Variants in LHFPL6 observed in about 807,000 individuals in gnomAD.
LHFPL6 encodes LHFPL tetraspan subfamily member 6.
Under a neutral mutation model 20.6 loss-of-function variants are expected in LHFPL6, and 9 were observed. The observed-to-expected ratio is 0.44, with a 90% confidence interval of 0.26 to 0.76. The LOEUF (loss-of-function observed/expected upper bound fraction) is 0.76, where lower values mean the gene tolerates loss of function less well. Among genes scored for constraint, LHFPL6 ranks in the 30% least tolerant of loss-of-function variants. The pLI is 0.20. For missense variants in LHFPL6, 218 were observed against 253.5 expected (o/e 0.86, Z 0.95); for synonymous variants, 105 against 98.7 (o/e 1.06, Z -0.38).
chr13:39,352,960 TAC>T lies in LHFPL6; in HGVS notation c.485-8908_485-8907del, dbSNP rs1306962467. ...ATGTGTGTATATATATATACATACA[TAC>T]ACACACACACATATATATATATATA... On this transcript the variant is annotated intron_variant, in intron 3 of 3. Transcript: ENST00000379589. Among the ~76,000 whole-genome samples, 19 of 86,814 alleles carry T rather than the reference TAC, an allele frequency of 2.2e-4. 2 individuals are homozygous for T. The highest frequency in any genetic ancestry group is 5.1e-4 in the South Asian group (1 of 1,948). The allele number at this position is 86,814 out of a possible 152,430, so 57.0% of individuals were successfully genotyped here.
chr13:39,529,961 T>C (rs180747522), intron 2 of LHFPL6, among the ~76,000 whole-genome samples: 8 of 152,288 alleles, frequency 5.3e-5, no homozygotes, highest in Non-Finnish European at 1.0e-4. Flanking sequence ...TATTCTGAAG[T>C]TCATCCAATG....
intron 2 of LHFPL6, among the ~76,000 whole-genome samples, chr13:39,589,389 G>T (rs1001748536): frequency 2.0e-5 from 3 of 152,140 alleles, no homozygotes; most frequent in Admixed American, 1.3e-4. Context: ...AATTACAGAT[G>T]TGAGTCACCG....
intron 2 of LHFPL6, among the ~76,000 whole-genome samples, chr13:39,551,137 T>A (rs11842921): frequency 0.017 from 2,633 of 152,234 alleles, 85 homozygotes; most frequent in African/African-American, 0.061. Flanking sequence ...TCTTAGTCCA[T>A]TTTCTGTTGC....
intron 2 of LHFPL6, among the ~76,000 whole-genome samples, chr13:39,522,736 T>G (rs1045207725): frequency 6.6e-6 from 1 of 152,216 alleles, no homozygotes; most frequent in Non-Finnish European, 1.5e-5. Context: ...ATTTGTTTGT[T>G]CCCTCCTCCC....
rs1366135735 is a variant in LHFPL6 at position 39,545,776 on chromosome 13, T to C, written c.385+55056A>G. On this transcript the variant is annotated intron_variant, in intron 2 of 3. Transcript: ENST00000379589. ...GTTATTATACTGTATTTTAAAAATT[T>C]GTAGTATTTTTAGGCTGGGCAAGGT... Among the ~76,000 whole-genome samples the C allele has an allele frequency of 3.3e-5, 5 of 152,000 alleles. 1 individual carries two copies. Among genetic ancestry groups the C allele is most frequent in the Non-Finnish European group, 7.4e-5 (5 of 68,024 alleles).
Position 39,368,196 on chromosome 13 carries a change from T to C in LHFPL6, c.484+10232A>G, listed in dbSNP as rs560885483. ...AATTACAAAAATTAGCCGGGCATTG[T>C]TGTGCATACCTGTAATCCCAACTAT... On this transcript the variant is annotated intron_variant, in intron 3 of 3. Transcript: ENST00000379589. Among the ~76,000 whole-genome samples the C allele has an allele frequency of 6.4e-4, 97 of 151,992 alleles. 1 individual carries two copies. The South Asian group carries it at 0.02, about 31-fold the overall frequency.
At position 39,540,165 on chromosome 13, in the gene LHFPL6, T is replaced by C. The variant is rs922556255; in HGVS notation, c.385+60667A>G. 3.3e-5 allele frequency among the ~76,000 whole-genome samples: 5 copies of C among 152,182 alleles called. No homozygotes were observed. The South Asian group carries it at 6.2e-4, about 19-fold the overall frequency. The stretch of plus-strand genomic sequence containing the variant: ...AAACTCCTGCCAAGTTTCAAGGTCA[T>C]AAAAGCAGTTGAAATAGAATATAAA... On this transcript the variant is annotated intron_variant, in intron 2 of 3. Transcript: ENST00000379589.
Position 39,555,393 on chromosome 13 carries a change from G to A in LHFPL6, c.385+45439C>T, listed in dbSNP as rs147729744. Among the ~76,000 whole-genome samples the A allele has an allele frequency of 2.5e-3, 381 of 150,670 alleles. 6 individuals are homozygous for A. Among genetic ancestry groups the A allele is most frequent in the African/African-American group, 8.7e-3 (355 of 40,812 alleles). ...AATAAGGTGCTACCAGAACTCATGC[G>A]ATAGCGCTTTCTTTTAGGCACATAT... On this transcript the variant is annotated intron_variant, in intron 2 of 3. Coordinates refer to ENST00000379589, the MANE Select transcript of LHFPL6 (RefSeq NM_005780.3).
chr13:39,380,738 C>T (rs1458483896), intron 2 of LHFPL6, among the ~76,000 whole-genome samples: 4 of 152,062 alleles, frequency 2.6e-5, no homozygotes, highest in Non-Finnish European at 5.9e-5. Context: ...GGTGATCTGC[C>T]TGCTTCAGCC....
intron 2 of LHFPL6, among the ~76,000 whole-genome samples, chr13:39,509,796 C>A (rs1869624511): frequency 6.6e-6 from 1 of 151,914 alleles, no homozygotes; most frequent in African/African-American, 2.4e-5. Context: ...CTCATCTGTA[C>A]AAAAATTTAA....
intron 2 of LHFPL6, among the ~76,000 whole-genome samples, chr13:39,464,700 CTTTTT>C (rs57418375): frequency 7.3e-6 from 1 of 137,910 alleles, no homozygotes; most frequent in African/African-American, 2.6e-5. Flanking sequence ...AAAGCACAGT[CTTTTT>C]TTTTTTTTTT....
chr13:39,501,822 G>T (rs1323439666), intron 2 of LHFPL6, among the ~76,000 whole-genome samples: 2 of 152,144 alleles, frequency 1.3e-5, no homozygotes, highest in Non-Finnish European at 2.9e-5. Flanking sequence ...GAGCGAACCA[G>T]GGCAGAGAAG....
intron 2 of LHFPL6, among the ~76,000 whole-genome samples, chr13:39,545,107 G>A (rs935489114): frequency 5.9e-4 from 90 of 151,920 alleles, no homozygotes; most frequent in African/African-American, 1.5e-3. Flanking sequence ...TTAGCTGGGC[G>A]TGGGGACGGG....
chr13:39,467,908 C>T (rs1252509628), intron 2 of LHFPL6, among the ~76,000 whole-genome samples: 2 of 152,196 alleles, frequency 1.3e-5, no homozygotes, highest in East Asian at 3.8e-4. Context: ...TGAGTGATCA[C>T]TTTCCCGTGA....
In LHFPL6 at chr13:39,408,857, G is replaced by T. The variant is rs182782115; in HGVS notation, c.386-30331C>A. 9.3e-3 allele frequency among the ~76,000 whole-genome samples: 1,409 copies of T among 152,210 alleles called. 10 individuals are homozygous for T. The highest frequency in any genetic ancestry group is 0.013 in the Non-Finnish European group (914 of 68,020). ...ATAGAAGGAATGAGAGGTTTGTGTT[G>T]TTATTATTATTCTTTAATTGACTAT... is the stretch of plus-strand genomic sequence containing the variant. On this transcript the variant is annotated intron_variant, in intron 2 of 3. Transcript: ENST00000379589.
intron 3 of LHFPL6, among the ~76,000 whole-genome samples, chr13:39,366,837 A>G (rs971279298): frequency 6.6e-6 from 1 of 152,210 alleles, no homozygotes; most frequent in African/African-American, 2.4e-5. Context: ...AAGGGAACTC[A>G]AATCTTTTAT....
chr13:39,471,037 C>T (rs910666200), intron 2 of LHFPL6, among the ~76,000 whole-genome samples: 2 of 152,132 alleles, frequency 1.3e-5, no homozygotes, highest in Admixed American at 6.5e-5. Context: ...TTGAGGAAGA[C>T]GGGTTTTGTC....
chr13:39,348,431 G>A (rs56183908), intron 3 of LHFPL6, among the ~76,000 whole-genome samples: 11,135 of 152,070 alleles, frequency 0.073, 706 homozygotes, highest in African/African-American at 0.17. Flanking sequence ...TCTTCCCTCC[G>A]GGTGGAACAA....
intron 2 of LHFPL6, among the ~76,000 whole-genome samples, chr13:39,453,882 C>T (rs191268782): frequency 2.0e-5 from 3 of 152,192 alleles, no homozygotes; most frequent in East Asian, 1.9e-4. Context: ...CTCTTCAATG[C>T]AGTTCTAGCC....
Sources: gnomAD v4.1 joint callset for allele counts (sites outside exome capture counted in the v4.1 genomes callset) on GRCh38, gnomAD v4.1.1 for gene constraint, MANE v1.5 for transcripts, NCBI Gene and HGNC (gene_info 2026-07-23, HGNC 2026-07-21) for gene names.